SIGLEC1: variants seen among roughly 807,000 people sequenced by gnomAD.
SIGLEC1 encodes the protein sialoadhesin.
In SIGLEC1, 132 loss-of-function variants were observed where a neutral mutation model predicts 148.0. The observed-to-expected ratio is 0.89, with a 90% CI of 0.77 to 1.03. The LOEUF (loss-of-function observed/expected upper bound fraction) is 1.03. Ranked by LOEUF, SIGLEC1 falls within the 50% of genes least tolerant of loss-of-function variation. The probability of loss-of-function intolerance (pLI) is 0.00; values close to 1 mark genes in which losing one functional copy is unlikely to be tolerated. For missense variants in SIGLEC1, 2,253 were observed against 2,271.4 expected (o/e 0.99, Z 0.16); for synonymous variants, 945 against 969.0 (o/e 0.98, Z 0.46).
chr20:3,699,180 G>A, intron 8 of SIGLEC1, 22 bp downstream of exon 8: 1 of 1,604,680 alleles, frequency 6.2e-7, no homozygotes, highest in Non-Finnish European at 8.5e-7. Flanking sequence ...GCAGGAGGCT[G>A]CAACAGGTGG....
intron 3 of SIGLEC1, 34 bp from the exon 4 acceptor site, chr20:3,706,074 T>C (rs777767515): frequency 1.1e-5 from 18 of 1,590,822 alleles, no homozygotes; most frequent in Non-Finnish European, 8.6e-7. Context: ...CAGGACCCGC[T>C]TTTGCCACCC....
chr20:3,689,123 A>G (rs753579667), intron 21 of SIGLEC1, 32 bp downstream of exon 21: 1 of 1,570,350 alleles, frequency 6.4e-7, no homozygotes, highest in Non-Finnish European at 8.7e-7. Context: ...TTAGCTGGGT[A>G]TTATATCTGC....
chr20:3,702,466 T>C (rs1267517971), intron 6 of SIGLEC1, among the ~76,000 whole-genome samples: 2 of 151,956 alleles, frequency 1.3e-5, no homozygotes, highest in African/African-American at 2.4e-5. Flanking sequence ...GTGCCTGTAA[T>C]CCCAGCTACT....
Position 3,690,232 on chromosome 20 carries a change from C to A in SIGLEC1, c.4624G>T (p.Val1542Leu), listed in dbSNP as rs369134501. The change falls in exon 19 of 22, where the codon GTG (valine) becomes TTG (leucine). Residue 1542 changes from valine (V) to leucine (L), a missense_variant. By Grantham distance (32) the Val-to-Leu change is conservative. Coordinates refer to ENST00000344754, the MANE Select transcript of SIGLEC1 (RefSeq NM_023068.4). ...PPKTPTMMVF[V>L]EPEGGLRGIL... ...CCCCGGAGGCCACCCTCAGGCTCCA[C>A]GAAGACCATCATGGTGGGCGTCTTG... 1.9e-6 allele frequency: 3 copies of A among 1,551,684 alleles called. No homozygotes were observed. The highest frequency in any genetic ancestry group is 1.2e-5 in the South Asian group (1 of 84,130).
intron 6 of SIGLEC1, 118 bp from the exon 7 acceptor site, chr20:3,701,759 G>T: frequency 1.0e-6 from 1 of 983,692 alleles, no homozygotes; most frequent in Non-Finnish European, 1.4e-6. Context: ...AGAAGGGGGT[G>T]ATCCCAAAGT....
chr20:3,706,575 A>G lies in SIGLEC1; in HGVS notation c.181T>C (p.Tyr61His). 6.2e-7 allele frequency: 1 copy of G among 1,612,702 alleles called. No individual in the cohort carries two copies. The highest frequency in any genetic ancestry group is 8.5e-7 in the Non-Finnish European group (1 of 1,179,764). Reference sequence around the variant, plus strand: ...ACCTGCCGCTGGCCCGAGTAGTCGTAGTACCAGATGGCCGTGATGCCGTCG... The same window carrying G: ...ACCTGCCGCTGGCCCGAGTAGTCGTGGTACCAGATGGCCGTGATGCCGTCG... ...VPDGITAIWY[Y>H]DYSGQRQVVS... The change falls in exon 3 of 22, where the codon TAC (tyrosine) becomes CAC (histidine). Residue 61 changes from tyrosine (Y) to histidine (H), a missense_variant. By Grantham distance (83) the Tyr-to-His change is moderately conservative. Transcript: ENST00000344754.
At position 3,705,953 on chromosome 20, in the gene SIGLEC1, C is replaced by A. The variant is rs758764856; in HGVS notation, c.497G>T (p.Cys166Phe). The A allele has an allele frequency of 4.3e-6, 7 of 1,614,142 alleles. No homozygotes were observed. The highest frequency in any genetic ancestry group is 5.9e-6 in the Non-Finnish European group (7 of 1,180,030). ...VDFNCSTPYVCLQEQVRLQWQ... is the reference protein window; with the variant it reads ...VDFNCSTPYVFLQEQVRLQWQ... Reference sequence around the variant, plus strand: ...CTGCAGTCTGACCTGCTCCTGCAGGCATACGTAGGGAGTGGAGCAGTTGAA... The same window carrying A: ...CTGCAGTCTGACCTGCTCCTGCAGGAATACGTAGGGAGTGGAGCAGTTGAA... Residue 166 changes from cysteine to phenylalanine, a missense_variant, in exon 4 of 22, where the codon TGC (cysteine) becomes TTC (phenylalanine). By Grantham distance (205) the Cys-to-Phe change is radical. Coordinates refer to ENST00000344754, the MANE Select transcript of SIGLEC1 (RefSeq NM_023068.4).
Position 3,690,246 on chromosome 20 carries a change from G to A in SIGLEC1, c.4610C>T (p.Thr1537Ile). Residue 1537 changes from threonine to isoleucine, a missense_variant, in exon 19 of 22, where the codon ACC (threonine) becomes ATC (isoleucine). Transcript: ENST00000344754. The part of the protein sequence containing the change: ...LRVLYPPKTP[T>I]MMVFVEPEGG... Reference sequence around the variant, plus strand: ...CTCAGGCTCCACGAAGACCATCATGGTGGGCGTCTTGGGAGGGTCTGTGGG... The same window carrying A: ...CTCAGGCTCCACGAAGACCATCATGATGGGCGTCTTGGGAGGGTCTGTGGG... The A allele has an allele frequency of 1.3e-6, 2 of 1,548,538 alleles. No homozygotes were observed. The highest frequency in any genetic ancestry group is 8.7e-7 in the Non-Finnish European group (1 of 1,146,016).
rs1299819302 is a variant in SIGLEC1, at chr20:3,687,841, T to C, written c.*719A>G. ...TCCCAGTCTCCCTTGTAGCTTGCAG[T>C]AGCCATGTGACAATACTCCAGCCAA... On this transcript the variant is annotated 3_prime_UTR_variant, in exon 22 of 22. Transcript: ENST00000344754. The C allele has an allele frequency of 6.5e-6, 1 of 152,750 alleles. No individual in the cohort carries two copies. Among genetic ancestry groups the C allele is most frequent in the Non-Finnish European group, 1.5e-5 (1 of 68,410 alleles). 9.5% of individuals were successfully genotyped at this position (152,750 alleles called of 1,614,324 possible). A position where few individuals can be genotyped will look rare whatever the true frequency, so the allele number is the denominator to read the frequency against.
chr20:3,690,317 C>G, intron 18 of SIGLEC1, 53 bp from the exon 19 acceptor site: 1 of 1,417,310 alleles, frequency 7.1e-7, no homozygotes. Flanking sequence ...CAAATTTCTC[C>G]CTCCCTGTAC....
intron 13 of SIGLEC1, 94 bp from the exon 14 acceptor site, chr20:3,693,792 T>C: frequency 3.6e-6 from 5 of 1,385,836 alleles, no homozygotes; most frequent in Middle Eastern, 2.3e-4. Context: ...CTCCTACTGC[T>C]GGGGAGCCCC....
Position 3,693,085 on chromosome 20 carries a change from G to A in SIGLEC1, c.3555C>T (p.Gly1185=), listed in dbSNP as rs144602570. Reference sequence around the variant, plus strand: ...TGCACAGTACCAGGGCCAGCTGCCCGCCATGGCTCTCCAGGAGGTAGGTCA... The same window carrying A: ...TGCACAGTACCAGGGCCAGCTGCCCACCATGGCTCTCCAGGAGGTAGGTCA... ...LRLTYLLESH[G]GQLALVLCTV... is the part of the protein sequence containing the mutation. The change falls in exon 15 of 22, where the codon GGC becomes GGT. Residue 1185 remains glycine (G), a synonymous_variant. Transcript: ENST00000344754. The A allele has an allele frequency of 7.8e-5, 125 of 1,595,608 alleles. No individual in the cohort carries two copies. The African/African-American group carries it at 1.2e-3, about 15-fold the overall frequency.
intron 19 of SIGLEC1, 27 bp from the exon 20 acceptor site, chr20:3,689,729 A>T: frequency 6.5e-7 from 1 of 1,541,920 alleles, no homozygotes; most frequent in South Asian, 1.2e-5. Flanking sequence ...GACTCAGAGC[A>T]GCCACAGCTG....
intron 7 of SIGLEC1, among the ~76,000 whole-genome samples, chr20:3,699,664 A>C (rs2087834294): frequency 6.6e-6 from 1 of 152,232 alleles, no homozygotes; most frequent in Non-Finnish European, 1.5e-5. Flanking sequence ...ATTCAGAGCC[A>C]GAGCCCAGGC....
At chr20:3,698,590 T>C (rs1341525430) in intron 8 of SIGLEC1, among the ~76,000 whole-genome samples, 1 of 152,196 alleles carries the variant, frequency 6.6e-6, no homozygotes, top group African/African-American at 2.4e-5. Context: ...AGCGAATGCA[T>C]AGAATGGCCT....
intron 18 of SIGLEC1, among the ~76,000 whole-genome samples, chr20:3,690,955 T>C (rs1215437833): frequency 6.6e-6 from 1 of 151,454 alleles, no homozygotes. Flanking sequence ...CTCAGCCTCC[T>C]GAATAGCTGG....
intron 4 of SIGLEC1, among the ~76,000 whole-genome samples, chr20:3,704,517 C>G (rs891106014): frequency 6.6e-6 from 1 of 152,270 alleles, no homozygotes; most frequent in Admixed American, 6.5e-5. Context: ...CAAACTAGCT[C>G]TGAAAATAGT....
In SIGLEC1 at chr20:3,693,616, G is replaced by T. The variant is rs757626338; in HGVS notation, c.3339C>A (p.His1113Gln). Residue 1113 changes from histidine (H) to glutamine (Q), a missense_variant, in exon 14 of 22, where the codon CAC becomes CAA. Coordinates refer to ENST00000344754, the MANE Select transcript of SIGLEC1 (RefSeq NM_023068.4). ...VNLTCLVWTT[H>Q]PAQLTYTWYQ... The stretch of plus-strand genomic sequence containing the variant: ...ACCATGTGTAGGTGAGCTGGGCCGG[G>T]TGAGTGGTCCACACAAGGCAGGTCA... 1.1e-5 allele frequency: 17 copies of T among 1,612,188 alleles called. No individual in the cohort carries two copies. The South Asian group carries it at 1.9e-4, about 18-fold the overall frequency.
intron 14 of SIGLEC1, 130 bp from the exon 15 acceptor site, chr20:3,693,261 C>T: frequency 1.6e-6 from 2 of 1,215,814 alleles, no homozygotes; most frequent in Non-Finnish European, 2.2e-6. Flanking sequence ...CAGTCTGAGG[C>T]ACTGCTCCTC....
Sources: gnomAD v4.1 joint callset for allele counts (sites outside exome capture counted in the v4.1 genomes callset) on GRCh38, gnomAD v4.1.1 for gene constraint, MANE v1.5 for transcripts, NCBI Gene and HGNC (gene_info 2026-07-23, HGNC 2026-07-21) for gene names.